Variants in COX7B2 observed in about 807,000 individuals in gnomAD.
COX7B2 encodes the protein cytochrome c oxidase subunit 7B2, mitochondrial.
For synonymous variants in COX7B2, 37 were observed against 32.1 expected, an observed-to-expected ratio of 1.15 and a Z score of -0.51; for missense variants, 109 against 95.9, an observed-to-expected ratio of 1.14 and a Z score of -0.57.
intron 2 of COX7B2, among the ~76,000 whole-genome samples, chr4:46,833,935 T>C (rs1365645410): frequency 6.6e-6 from 1 of 152,134 alleles, no homozygotes; most frequent in Non-Finnish European, 1.5e-5. Flanking sequence ...AAAACAAGAA[T>C]GTAAAGATGT....
chr4:46,869,736 G>C (rs563009355), intron 1 of COX7B2, among the ~76,000 whole-genome samples: 1 of 152,184 alleles, frequency 6.6e-6, no homozygotes, highest in South Asian at 2.1e-4. Context: ...TCAGCTGAGA[G>C]GTCTGCTGTT....
At chr4:46,742,146 T>A (rs1053856440) in intron 2 of COX7B2, among the ~76,000 whole-genome samples, 4 of 152,066 alleles carry the variant, frequency 2.6e-5, no homozygotes, top group Admixed American at 6.6e-5. Flanking sequence ...AAAAGAAACA[T>A]TTGGTAGCAT....
At chr4:46,862,176 A>G (rs1717375444) in intron 1 of COX7B2, among the ~76,000 whole-genome samples, 1 of 152,210 alleles carries the variant, frequency 6.6e-6, no homozygotes, top group Non-Finnish European at 1.5e-5. Context: ...CCCCTTATTA[A>G]AAAGGAGAAA....
chr4:46,804,041 T>G (rs1387387214), intron 2 of COX7B2, among the ~76,000 whole-genome samples: 1 of 152,076 alleles, frequency 6.6e-6, no homozygotes, highest in Non-Finnish European at 1.5e-5. Context: ...CGGATGTGTT[T>G]GGAGTTTCTT....
intron 2 of COX7B2, among the ~76,000 whole-genome samples, chr4:46,798,171 C>T (rs1577717564): frequency 2.0e-5 from 3 of 152,266 alleles, no homozygotes; most frequent in Non-Finnish European, 4.4e-5. Flanking sequence ...GGCCTTCTAC[C>T]TCAGTGAAAT....
At chr4:46,826,934 C>G (rs567532318) in intron 2 of COX7B2, among the ~76,000 whole-genome samples, 2 of 152,094 alleles carry the variant, frequency 1.3e-5, no homozygotes, top group South Asian at 4.1e-4. Flanking sequence ...GGAAATTCTA[C>G]AGCCAAAAAG....
chr4:46,804,929 G>C (rs1270834949), intron 2 of COX7B2, among the ~76,000 whole-genome samples: 1 of 152,212 alleles, frequency 6.6e-6, no homozygotes, highest in Admixed American at 6.5e-5. Flanking sequence ...CACAGCCAGG[G>C]TAGGGGGGGC....
intron 2 of COX7B2, among the ~76,000 whole-genome samples, chr4:46,832,900 G>A (rs1715248384): frequency 6.6e-6 from 1 of 150,468 alleles, no homozygotes; most frequent in Non-Finnish European, 1.5e-5. Flanking sequence ...GCTGAACTGT[G>A]AGCCTTTTTT....
chr4:46,754,036 T>C (rs1214340985), intron 2 of COX7B2, among the ~76,000 whole-genome samples: 1 of 152,138 alleles, frequency 6.6e-6, no homozygotes, highest in Non-Finnish European at 1.5e-5. Context: ...CCAGTTAGAA[T>C]GGCAATCATT....
At chr4:46,781,073 C>T (rs1717421034) in intron 2 of COX7B2, among the ~76,000 whole-genome samples, 1 of 152,024 alleles carries the variant, frequency 6.6e-6, no homozygotes, top group Admixed American at 6.6e-5. Context: ...ACCCTAAAAG[C>T]AGGCAGATAT....
At chr4:46,894,279 A>C (rs375631623) in intron 1 of COX7B2, among the ~76,000 whole-genome samples, 19 of 152,264 alleles carry the variant, frequency 1.2e-4, no homozygotes, top group African/African-American at 4.1e-4. Context: ...TTACAGGGCT[A>C]CAGTAATCAA....
chr4:46,762,101 C>T (rs1560361800), intron 2 of COX7B2, among the ~76,000 whole-genome samples: 1 of 143,562 alleles, frequency 7.0e-6, no homozygotes, highest in Non-Finnish European at 1.5e-5. Flanking sequence ...AAGATAATAA[C>T]ACCTATTGTA....
intron 1 of COX7B2, chr4:46,876,811 GTCAATAT>G (rs1170822150): frequency 6.6e-6 from 1 of 152,200 alleles, no homozygotes; most frequent in Admixed American, 6.5e-5. Context: ...AAGTCCAACT[GTCAATAT>G]TCTCCTTTGT....
chr4:46,882,574 T>C, intron 1 of COX7B2, among the ~76,000 whole-genome samples: 1 of 152,212 alleles, frequency 6.6e-6, no homozygotes, highest in East Asian at 1.9e-4. Flanking sequence ...TTTATTTTGG[T>C]TGGTTTGAAA....
intron 2 of COX7B2, among the ~76,000 whole-genome samples, chr4:46,747,828 A>G (rs1438480301): frequency 6.6e-6 from 1 of 152,186 alleles, no homozygotes; most frequent in Non-Finnish European, 1.5e-5. Flanking sequence ...AACACATTTT[A>G]ATCTTGATTG....
chr4:46,885,401 G>A (rs1181097257), intron 1 of COX7B2, among the ~76,000 whole-genome samples: 1 of 152,076 alleles, frequency 6.6e-6, no homozygotes, highest in Non-Finnish European at 1.5e-5. Context: ...AGGAGAAATA[G>A]CATATACATA....
At chr4:46,755,473 G>A (rs932932924) in intron 2 of COX7B2, among the ~76,000 whole-genome samples, 3 of 151,694 alleles carry the variant, frequency 2.0e-5, no homozygotes, top group South Asian at 4.2e-4. Flanking sequence ...CAGAGTAATC[G>A]GGCAAGAGAA....
intron 2 of COX7B2, among the ~76,000 whole-genome samples, chr4:46,736,453 AT>A (rs372687182): frequency 2.9e-4 from 43 of 147,640 alleles, no homozygotes; most frequent in African/African-American, 3.2e-4. Flanking sequence ...ATCTGGTTTC[AT>A]TTTTTTTTTT....
chr4:46,907,881 GTC>G (rs998556758), intron 1 of COX7B2, among the ~76,000 whole-genome samples: 1 of 75,706 alleles, frequency 1.3e-5, no homozygotes, highest in Non-Finnish European at 2.9e-5. Flanking sequence ...TTGAGACGGA[GTC>G]TCTCTCTGTT....
Sources: gnomAD v4.1 joint callset for allele counts (sites outside exome capture counted in the v4.1 genomes callset) on GRCh38, gnomAD v4.1.1 for gene constraint, MANE v1.5 for transcripts, NCBI Gene and HGNC (gene_info 2026-07-23, HGNC 2026-07-21) for gene names.